KCNG3: variants seen among roughly 807,000 people sequenced by gnomAD.
KCNG3 encodes the protein voltage-gated potassium channel regulatory subunit KCNG3.
KCNG3 carries 15 observed loss-of-function variants against 29.0 expected under a neutral mutation model. The observed-to-expected ratio is 0.52, with a 90% CI of 0.35 to 0.80. The LOEUF (loss-of-function observed/expected upper bound fraction) is 0.80, where lower values mean the gene tolerates loss of function less well. Among genes scored for constraint, KCNG3 ranks in the 30% least tolerant of loss-of-function variants. KCNG3 has a pLI of 0.01. For missense variants in KCNG3, 512 were observed against 605.7 expected (o/e 0.85, Z 1.62); for synonymous variants, 322 against 248.9 (o/e 1.29, Z -2.76).
At chr2:42,475,578 C>T (rs1673404080) in intron 1 of KCNG3, among the ~76,000 whole-genome samples, 1 of 151,456 alleles carries the variant, frequency 6.6e-6, no homozygotes, top group African/African-American at 2.4e-5. Flanking sequence ...GATCTGCCCA[C>T]CTCAGCCTCC....
rs567368263 is a variant in KCNG3, at chr2:42,460,147, T to A, written c.666-15568A>T. Among the ~76,000 whole-genome samples, 22 of 152,096 alleles carry A rather than the reference T, an allele frequency of 1.4e-4. 1 individual carries two copies. The South Asian group carries it at 4.6e-3, about 32-fold the overall frequency. The stretch of plus-strand genomic sequence containing the variant: ...GAGAGGTTGAGGTGGGAGGACTTCT[T>A]GAAGCCAGGAGTATGAGACCAGCAT... On this transcript the variant is annotated intron_variant, in intron 1 of 1. Transcript: ENST00000306078.
intron 1 of KCNG3, among the ~76,000 whole-genome samples, chr2:42,477,531 C>T (rs1050965100): frequency 1.3e-5 from 2 of 149,704 alleles, no homozygotes; most frequent in East Asian, 4.1e-4. Flanking sequence ...GGGTTCACGC[C>T]GTTCTCCTGC....
intron 1 of KCNG3, among the ~76,000 whole-genome samples, chr2:42,455,929 T>G (rs1479713696): frequency 6.7e-6 from 1 of 149,446 alleles, no homozygotes; most frequent in Non-Finnish European, 1.5e-5. Flanking sequence ...ATAGTTATTA[T>G]ATACCTATAA....
At chr2:42,481,651 G>T (rs1673586981) in intron 1 of KCNG3, among the ~76,000 whole-genome samples, 1 of 152,064 alleles carries the variant, frequency 6.6e-6, no homozygotes, top group Admixed American at 6.6e-5. Context: ...CGCTTCCTGG[G>T]CTACACGTCC....
chr2:42,432,649 T>C, the KCNG3 span, among the ~76,000 whole-genome samples: 19 of 152,334 alleles, frequency 1.2e-4, no homozygotes, highest in African/African-American at 3.6e-4. Flanking sequence ...TTATCTCTCA[T>C]GTCTGTGTGT....
At chr2:42,488,739 G>A (rs777962388) in intron 1 of KCNG3, among the ~76,000 whole-genome samples, 2 of 151,834 alleles carry the variant, frequency 1.3e-5, no homozygotes, top group South Asian at 2.1e-4. Context: ...TAGTAGAGAC[G>A]GGGTTTCACC....
chr2:42,489,272 C>T (rs926752242), intron 1 of KCNG3, among the ~76,000 whole-genome samples: 2 of 152,066 alleles, frequency 1.3e-5, no homozygotes, highest in African/African-American at 4.8e-5. Flanking sequence ...TGCCTGTGGT[C>T]CCAGCTACTC....
Position 42,444,612 on chromosome 2 carries a change from T to A in KCNG3, c.666-33A>T, listed in dbSNP as rs1672555346. The A allele has an allele frequency of 6.4e-7, 1 of 1,562,986 alleles. No individual in the cohort carries two copies. Among genetic ancestry groups the A allele is most frequent in the African/African-American group, 1.4e-5 (1 of 73,140 alleles). On this transcript the variant is annotated intron_variant, in intron 1 of 1. Coordinates refer to ENST00000306078, the MANE Select transcript of KCNG3 (RefSeq NM_133329.6). This position sits in a 1 kb window ranked among gnomAD's most constrained non-coding sequence, Gnocchi z 5.8. ...GAGAACAAAAGAAGAATTGATCATTTTATTTTTAAGCATTTTAATAGCTCT... is the reference window on the plus strand; with the variant it reads ...GAGAACAAAAGAAGAATTGATCATTATATTTTTAAGCATTTTAATAGCTCT...
At chr2:42,394,990 A>T in the KCNG3 span, among the ~76,000 whole-genome samples, 1 of 152,198 alleles carries the variant, frequency 6.6e-6, no homozygotes, top group Non-Finnish European at 1.5e-5. Flanking sequence ...CCTGTATCTG[A>T]ATGCCAAGGG....
chr2:42,450,026 T>C (rs767821008), intron 1 of KCNG3, among the ~76,000 whole-genome samples: 33 of 152,190 alleles, frequency 2.2e-4, no homozygotes, highest in Admixed American at 4.6e-4. Context: ...CAGATTTACA[T>C]GGATCTTATA....
Position 42,472,047 on chromosome 2 carries a change from T to C in KCNG3, c.665+20790A>G, listed in dbSNP as rs556479397. 3.0e-4 allele frequency among the ~76,000 whole-genome samples: 46 copies of C among 152,310 alleles called. 1 individual carries two copies. The South Asian group carries it at 9.1e-3, about 30-fold the overall frequency. ...TGTTAAGAATATAAATCAGTAGAACTACTCTGGAGAGCTATTTAGCAACAT... is the reference window on the plus strand; with the variant it reads ...TGTTAAGAATATAAATCAGTAGAACCACTCTGGAGAGCTATTTAGCAACAT... On this transcript the variant is annotated intron_variant, in intron 1 of 1. Transcript: ENST00000306078.
the KCNG3 span, among the ~76,000 whole-genome samples, chr2:42,421,052 TGA>T: frequency 1.3e-5 from 2 of 152,136 alleles, no homozygotes; most frequent in African/African-American, 4.8e-5. Context: ...AATGACTCAA[TGA>T]GAGTAGAACA....
At chr2:42,437,690 C>G (rs1436073658), downstream of KCNG3, among the ~76,000 whole-genome samples, 2 of 152,004 alleles carry the variant, frequency 1.3e-5, no homozygotes, top group Non-Finnish European at 2.9e-5. Flanking sequence ...GTAATCCCAG[C>G]ACTTTGGGAG....
At chr2:42,425,236 A>G in the KCNG3 span, 1 of 102,832 alleles carries the variant, frequency 9.7e-6, no homozygotes, top group Admixed American at 8.8e-5. Flanking sequence ...CGACTCTACT[A>G]AAAAAAAAAA....
intron 1 of KCNG3, among the ~76,000 whole-genome samples, chr2:42,454,943 G>A (rs1434404553): frequency 6.6e-6 from 1 of 152,122 alleles, no homozygotes; most frequent in Admixed American, 6.6e-5. Context: ...GGCAAGATGA[G>A]ATGAAAAAGC....
chr2:42,424,984 A>G, the KCNG3 span: 1 of 152,160 alleles, frequency 6.6e-6, no homozygotes, highest in African/African-American at 2.4e-5. Flanking sequence ...AGTTAAGTCC[A>G]TCGACAGGGC....
At chr2:42,439,251 GTATA>G (rs66772527), downstream of KCNG3, among the ~76,000 whole-genome samples, 5 of 149,612 alleles carry the variant, frequency 3.3e-5, no homozygotes, top group African/African-American at 9.8e-5. Context: ...ATATATTATT[GTATA>G]TATATATATA....
intron 1 of KCNG3, among the ~76,000 whole-genome samples, chr2:42,486,507 T>C (rs1478634147): frequency 2.0e-5 from 3 of 152,240 alleles, no homozygotes; most frequent in African/African-American, 7.2e-5. Context: ...TCCAAACTCC[T>C]TCCCATGGCA....
At chr2:42,451,298 C>T (rs901427589) in intron 1 of KCNG3, among the ~76,000 whole-genome samples, 1 of 150,820 alleles carries the variant, frequency 6.6e-6, no homozygotes, top group East Asian at 1.9e-4. Flanking sequence ...TTTGTGTGTG[C>T]CAGGGGCAGT....
Sources: gnomAD v4.1 joint callset for allele counts (sites outside exome capture counted in the v4.1 genomes callset) on GRCh38, gnomAD v4.1.1 for gene constraint, Gnocchi (gnomAD v3.1) non-coding constraint, MANE v1.5 for transcripts, NCBI Gene and HGNC (gene_info 2026-07-23, HGNC 2026-07-21) for gene names.